Variants in ARHGAP8 observed in about 807,000 individuals in gnomAD.
ARHGAP8 encodes the protein rho GTPase-activating protein 8.
Under a neutral mutation model 46.1 loss-of-function variants are expected in ARHGAP8, and 62 were observed. The observed-to-expected ratio is 1.34, with a 90% confidence interval of 1.10 to 1.66. The LOEUF (loss-of-function observed/expected upper bound fraction) is 1.66, where lower values mean the gene tolerates loss of function less well. Ranked by LOEUF, ARHGAP8 falls within the 40% of genes most tolerant of loss-of-function variation. The pLI, the probability that ARHGAP8 is intolerant of heterozygous loss-of-function variation, is 0.00. For missense variants in ARHGAP8, 923 were observed against 568.4 expected (o/e 1.62, Z -6.34); for synonymous variants, 375 against 243.1 (o/e 1.54, Z -5.05).
At chr22:44,795,059 A>AAAC (rs1569149069) in intron 2 of ARHGAP8, among the ~76,000 whole-genome samples, 1 of 151,424 alleles carries the variant, frequency 6.6e-6, no homozygotes, top group African/African-American at 2.4e-5. Flanking sequence ...AAAAAACAAA[A>AAAC]AACGAAATCT....
At chr22:44,842,968 G>A (rs190764679) in intron 7 of ARHGAP8, among the ~76,000 whole-genome samples, 1 of 152,306 alleles carries the variant, frequency 6.6e-6, no homozygotes, top group Admixed American at 6.5e-5. Flanking sequence ...TATGCCATGG[G>A]CTACGTTTTC....
At chr22:44,836,575 G>C (rs1213522534) in intron 7 of ARHGAP8, among the ~76,000 whole-genome samples, 1 of 151,128 alleles carries the variant, frequency 6.6e-6, no homozygotes. Context: ...TAGGTCCTCA[G>C]TGCACAGTGG....
At position 44,786,367 on chromosome 22, in the gene ARHGAP8, G is replaced by C. The variant is rs148423581; in HGVS notation, c.-71-90G>C. On this transcript the variant is annotated intron_variant, in intron 1 of 11. Transcript: ENST00000356099. ...CGTAGTGGGTGTGCAGCAGAGGTGGGTGACTGTCTTATGAAAGGCATCAGG... is the reference window on the plus strand; with the variant it reads ...CGTAGTGGGTGTGCAGCAGAGGTGGCTGACTGTCTTATGAAAGGCATCAGG... 2.9e-3 allele frequency: 4,345 copies of C among 1,488,056 alleles called. 11 individuals are homozygous for C. Among genetic ancestry groups the C allele is most frequent in the Non-Finnish European group, 3.6e-3 (3,988 of 1,108,036 alleles). The allele number at this position is 1,488,056 out of a possible 1,614,324, so 92.2% of individuals were successfully genotyped here.
intron 1 of ARHGAP8, chr22:44,777,358 A>C (rs1926502110): frequency 6.6e-6 from 1 of 151,846 alleles, no homozygotes; most frequent in Non-Finnish European, 1.5e-5. Flanking sequence ...AAAATCCCTG[A>C]GCTCTTCTGC....
intron 3 of ARHGAP8, among the ~76,000 whole-genome samples, chr22:44,804,219 T>A (rs1928776626): frequency 6.6e-6 from 1 of 152,142 alleles, no homozygotes. Flanking sequence ...TCCTCTTTCA[T>A]CTGTCCCTTG....
chr22:44,808,587 G>T (rs1011937153), intron 4 of ARHGAP8, 149 bp downstream of exon 4: 2 of 1,417,354 alleles, frequency 1.4e-6, no homozygotes, highest in Non-Finnish European at 1.9e-6. Context: ...GGCAGTGGAG[G>T]TTCACCTCCC....
Position 44,862,767 on chromosome 22 carries a change from T to G in ARHGAP8, c.*172T>G, listed in dbSNP as rs759368624. On this transcript the variant is annotated 3_prime_UTR_variant, in exon 12 of 12. Transcript: ENST00000356099. The stretch of plus-strand genomic sequence containing the variant: ...ACTCTTGTCCATGGTTCCTGAGCTG[T>G]GGACCGGGATAGAATAATGCATTTG... The G allele has an allele frequency of 1.9e-5, 15 of 796,058 alleles. No homozygotes were observed. The highest frequency in any genetic ancestry group is 2.6e-5 in the Non-Finnish European group (14 of 533,122). 49.3% of individuals were successfully genotyped at this position (796,058 alleles called of 1,614,324 possible). A position where few individuals can be genotyped will look rare whatever the true frequency, so the allele number is the denominator to read the frequency against.
chr22:44,777,857 A>ACCTG (rs1926536115), intron 1 of ARHGAP8, among the ~76,000 whole-genome samples: 1 of 151,842 alleles, frequency 6.6e-6, no homozygotes, highest in Non-Finnish European at 1.5e-5. Flanking sequence ...CACCATGCCC[A>ACCTG]GCTAATTTTT....
chr22:44,834,327 C>T (rs1931146076), intron 7 of ARHGAP8, among the ~76,000 whole-genome samples: 1 of 151,976 alleles, frequency 6.6e-6, no homozygotes, highest in Non-Finnish European at 1.5e-5. Flanking sequence ...GTATTATTTC[C>T]ATGATTTTAA....
At chr22:44,809,499 T>G (rs530549613) in intron 4 of ARHGAP8, 7 of 305,628 alleles carry the variant, frequency 2.3e-5, no homozygotes, top group African/African-American at 1.3e-4. Context: ...ATGCCTCTTG[T>G]TGGTGAGATG....
intron 2 of ARHGAP8, among the ~76,000 whole-genome samples, chr22:44,788,847 G>A (rs1927466218): frequency 6.6e-6 from 1 of 152,230 alleles, no homozygotes; most frequent in Non-Finnish European, 1.5e-5. Context: ...TCTGAGACCT[G>A]AAAGTTTGAG....
Position 44,794,516 on chromosome 22 carries a change from C to G in ARHGAP8, c.80-7561C>G, listed in dbSNP as rs375733289. ...ATGAAGTCAGGAGTTCGAGACCAGC[C>G]TGGCCAACATGGCGAAACCTCATCT... is the stretch of plus-strand genomic sequence containing the variant. On this transcript the variant is annotated intron_variant, in intron 2 of 11. Coordinates refer to ENST00000356099, the MANE Select transcript of ARHGAP8 (RefSeq NM_181335.3). 2.0e-3 allele frequency among the ~76,000 whole-genome samples: 300 copies of G among 152,200 alleles called. 1 individual carries two copies. Among genetic ancestry groups the G allele is most frequent in the African/African-American group, 6.9e-3 (287 of 41,508 alleles).
chr22:44,854,712 C>G (rs2070179492), intron 10 of ARHGAP8, among the ~76,000 whole-genome samples: 1 of 152,180 alleles, frequency 6.6e-6, no homozygotes, highest in South Asian at 2.1e-4. Flanking sequence ...CATCTCAGCT[C>G]ACTGCAACCT....
At chr22:44,808,871 G>A in intron 4 of ARHGAP8, 1 of 364,332 alleles carries the variant, frequency 2.7e-6, no homozygotes, top group Admixed American at 3.6e-5. Context: ...AGGCTGGAGT[G>A]CAGTGGTGCA....
At chr22:44,759,707 AAGGGAGATGGTCAGGGAGATTGTC>A (rs1366823329) in intron 1 of ARHGAP8, among the ~76,000 whole-genome samples, 12 of 152,198 alleles carry the variant, frequency 7.9e-5, no homozygotes, top group Admixed American at 6.5e-4. Flanking sequence ...CAGGGGCCTG[AAGGGAGATGGTCAGGGAGATTGTC>A]AGGGAGATTG....
intron 4 of ARHGAP8, among the ~76,000 whole-genome samples, chr22:44,813,362 C>A (rs145626493): frequency 2.2e-4 from 33 of 148,610 alleles, no homozygotes; most frequent in Admixed American, 2.2e-3. Context: ...CTTACACACA[C>A]CTACATACAC....
rs1037643554 is a variant in ARHGAP8 at position 44,822,244 on chromosome 22, G to A, written c.387-127G>A. On this transcript the variant is annotated intron_variant, in intron 5 of 11. Coordinates refer to ENST00000356099, the MANE Select transcript of ARHGAP8 (RefSeq NM_181335.3). ...TGTTCGGGTTTTAAGTCGTGTCAGCGTTTACATTTTCTTAATATGAAAAAT... is the reference window on the plus strand; with the variant it reads ...TGTTCGGGTTTTAAGTCGTGTCAGCATTTACATTTTCTTAATATGAAAAAT... 3.1e-5 allele frequency: 24 copies of A among 766,792 alleles called. 1 individual carries two copies. Among genetic ancestry groups the A allele is most frequent in the East Asian group, 6.0e-5 (2 of 33,520 alleles). The allele number at this position is 766,792 out of a possible 1,614,324, so 47.5% of individuals were successfully genotyped here.
chr22:44,829,679 A>G (rs1930801245), intron 7 of ARHGAP8, among the ~76,000 whole-genome samples: 1 of 152,232 alleles, frequency 6.6e-6, no homozygotes, highest in African/African-American at 2.4e-5. Flanking sequence ...AAATGGCAAT[A>G]AACATTTTAA....
intron 2 of ARHGAP8, among the ~76,000 whole-genome samples, chr22:44,792,207 T>G (rs916285889): frequency 6.6e-6 from 1 of 152,056 alleles, no homozygotes; most frequent in African/African-American, 2.4e-5. Flanking sequence ...AGATGGGGTT[T>G]CATCATGTTG....
Sources: gnomAD v4.1 joint callset for allele counts (sites outside exome capture counted in the v4.1 genomes callset) on GRCh38, gnomAD v4.1.1 for gene constraint, MANE v1.5 for transcripts, NCBI Gene and HGNC (gene_info 2026-07-23, HGNC 2026-07-21) for gene names.